The following KCNK9 variants were observed in gnomAD, a reference collection of about 807,000 sequenced individuals.
KCNK9 encodes the protein potassium two pore domain channel subfamily K member 9.
A neutral mutation model predicts 10.8 loss-of-function variants in KCNK9; 1 was observed. That is an observed-to-expected ratio of 0.09 (90% CI 0.03 to 0.44). The LOEUF is 0.44. Among genes scored for constraint, KCNK9 ranks in the 20% least tolerant of loss-of-function variants. KCNK9 has a pLI of 0.97. For missense variants in KCNK9, 303 were observed against 515.0 expected, an observed-to-expected ratio of 0.59 and a Z score of 3.98; for synonymous variants, 231 against 222.7, an observed-to-expected ratio of 1.04 and a Z score of -0.33.
At chr8:139,682,821 C>A (rs1816718915) in intron 1 of KCNK9, among the ~76,000 whole-genome samples, 1 of 152,162 alleles carries the variant, frequency 6.6e-6, no homozygotes, top group African/African-American at 2.4e-5. Flanking sequence ...TGCATAATGC[C>A]TGGTGACCCC....
chr8:139,667,374 T>C (rs536421615), intron 1 of KCNK9, among the ~76,000 whole-genome samples: 10 of 152,014 alleles, frequency 6.6e-5, no homozygotes, highest in African/African-American at 2.4e-4. Context: ...AGGAGAAAAT[T>C]GGACAAGTGT....
chr8:139,671,715 GT>G (rs1320975222), intron 1 of KCNK9, among the ~76,000 whole-genome samples: 1 of 151,932 alleles, frequency 6.6e-6, no homozygotes, highest in African/African-American at 2.4e-5. Context: ...GAATGTAATT[GT>G]TTTTTGTATT....
intron 1 of KCNK9, among the ~76,000 whole-genome samples, chr8:139,674,016 A>C (rs1816494060): frequency 6.6e-6 from 1 of 152,164 alleles, no homozygotes; most frequent in South Asian, 2.1e-4. Context: ...CCTGGCTCTA[A>C]CCCCCTGCAG....
chr8:139,602,149 T>C (rs927036538), intron 2 of KCNK9: 8 of 152,244 alleles, frequency 5.3e-5, no homozygotes, highest in Non-Finnish European at 1.2e-4. Context: ...TCACCTGTGA[T>C]TCATTGGCCA....
Position 139,677,916 on chromosome 8 carries a change from A to G in KCNK9, c.283+24794T>C, listed in dbSNP as rs1320381144. Among the ~76,000 whole-genome samples, 11 of 146,944 alleles carry G rather than the reference A, an allele frequency of 7.5e-5. 1 individual carries two copies. Among genetic ancestry groups the G allele is most frequent in the African/African-American group, 1.4e-4 (5 of 36,718 alleles). On this transcript the variant is annotated intron_variant, in intron 1 of 1. Transcript: ENST00000520439. ...ACATCTGAGCCCAATGTGTCCCCACAGCTACAGAGTAATACCTCACATCTC... is the reference window on the plus strand; with the variant it reads ...ACATCTGAGCCCAATGTGTCCCCACGGCTACAGAGTAATACCTCACATCTC...
At position 139,617,142 on chromosome 8, in the gene KCNK9, T is replaced by TCC. The variant is rs1814622368; in HGVS notation, c.*1115_*1116insGG. The TCC allele has an allele frequency of 6.6e-6, 1 of 152,208 alleles. No individual in the cohort carries two copies. The highest frequency in any genetic ancestry group is 2.4e-5 in the African/African-American group (1 of 41,462). 9.4% of individuals were successfully genotyped at this position (152,208 alleles called of 1,614,324 possible). ...GATATTTCTTGAAATAGATATGTAT[T>TCC]TTTAATGAGGAATGCCCTGTCAATT... On this transcript the variant is annotated 3_prime_UTR_variant, in exon 2 of 2. Transcript: ENST00000520439.
At chr8:139,627,128 ATCC>A (rs1372084934) in intron 1 of KCNK9, among the ~76,000 whole-genome samples, 1 of 152,144 alleles carries the variant, frequency 6.6e-6, no homozygotes, top group Non-Finnish European at 1.5e-5. Flanking sequence ...GACACCTTAG[ATCC>A]TCTAAGCGTT....
chr8:139,618,821 G>GGAA lies in KCNK9; in HGVS notation c.559_561dup (p.Phe187dup). 1 of 1,614,232 alleles carries GGAA rather than the reference G, an allele frequency of 6.2e-7. No homozygotes were observed. Among genetic ancestry groups the GGAA allele is most frequent in the Non-Finnish European group, 8.5e-7 (1 of 1,180,054 alleles). ...GTGATGAAGCAGTAGTAGTAGGCGT[G>GGAA]GAAGAAGCTCCACTCCTCACACTGG... On this transcript the variant is annotated inframe_insertion, in exon 2 of 2. Coordinates refer to ENST00000520439, the MANE Select transcript of KCNK9 (RefSeq NM_001282534.2). This position sits in a 1 kb window ranked among gnomAD's most constrained non-coding sequence, Gnocchi z 7.9.
intron 1 of KCNK9, among the ~76,000 whole-genome samples, chr8:139,657,860 T>C (rs1035721099): frequency 6.6e-6 from 1 of 152,134 alleles, no homozygotes; most frequent in Non-Finnish European, 1.5e-5. Flanking sequence ...ATCCCAGCGG[T>C]CCCCACCCAC....
chr8:139,610,524 A>G (rs1814389023), downstream of KCNK9, among the ~76,000 whole-genome samples: 1 of 152,374 alleles, frequency 6.6e-6, no homozygotes, highest in East Asian at 1.9e-4. Flanking sequence ...TAAGTGAAAG[A>G]CCAAGATCTT....
chr8:139,699,991 C>T (rs1290067888), intron 1 of KCNK9, among the ~76,000 whole-genome samples: 1 of 152,156 alleles, frequency 6.6e-6, no homozygotes, highest in Non-Finnish European at 1.5e-5. Flanking sequence ...AATATCACTG[C>T]CCAATAGGAG....
intron 1 of KCNK9, among the ~76,000 whole-genome samples, chr8:139,634,478 C>T (rs1815276703): frequency 6.6e-6 from 1 of 152,152 alleles, no homozygotes; most frequent in Non-Finnish European, 1.5e-5. Context: ...TGGTGCTGGC[C>T]CTGCAGGATG....
intron 1 of KCNK9, among the ~76,000 whole-genome samples, chr8:139,627,139 G>A (rs947203729): frequency 1.1e-4 from 17 of 152,162 alleles, no homozygotes; most frequent in African/African-American, 3.1e-4. Flanking sequence ...TCCTCTAAGC[G>A]TTAACCTTCC....
intron 1 of KCNK9, among the ~76,000 whole-genome samples, chr8:139,683,331 C>T (rs530226929): frequency 1.3e-5 from 2 of 152,280 alleles, no homozygotes; most frequent in East Asian, 3.9e-4. Context: ...CCTCCTTCTC[C>T]CTCCCTCCTC....
At chr8:139,633,990 T>A (rs1815256494) in intron 1 of KCNK9, among the ~76,000 whole-genome samples, 1 of 152,242 alleles carries the variant, frequency 6.6e-6, no homozygotes, top group Non-Finnish European at 1.5e-5. Flanking sequence ...TCTTCTGCTC[T>A]CCGCCCCAGG....
At chr8:139,620,363 T>C (rs1417272423) in intron 1 of KCNK9, among the ~76,000 whole-genome samples, 1 of 152,212 alleles carries the variant, frequency 6.6e-6, no homozygotes, top group Non-Finnish European at 1.5e-5. Flanking sequence ...TTACCTTGGG[T>C]TCCATAAGTT....
intron 1 of KCNK9, among the ~76,000 whole-genome samples, chr8:139,667,860 G>A (rs1055164392): frequency 7.3e-5 from 11 of 149,942 alleles, no homozygotes; most frequent in African/African-American, 2.5e-4. Context: ...CAGCCTGGGC[G>A]ACAGAGCAAG....
At chr8:139,658,513 C>G (rs1460613596) in intron 1 of KCNK9, among the ~76,000 whole-genome samples, 2 of 152,192 alleles carry the variant, frequency 1.3e-5, no homozygotes, top group Non-Finnish European at 2.9e-5. Context: ...CCACTGGTAC[C>G]CTTTTCCTTT....
At chr8:139,640,180 A>G (rs1815460414) in intron 1 of KCNK9, among the ~76,000 whole-genome samples, 1 of 152,160 alleles carries the variant, frequency 6.6e-6, no homozygotes, top group Non-Finnish European at 1.5e-5. Flanking sequence ...CCCAGGCACC[A>G]TGCTAAGCTC....
Sources: allele counts gnomAD v4.1 joint callset (sites outside exome capture counted in the v4.1 genomes callset), GRCh38; gene constraint gnomAD v4.1.1; non-coding constraint Gnocchi (gnomAD v3.1); transcripts MANE v1.5; gene names NCBI Gene and HGNC (gene_info 2026-07-23, HGNC 2026-07-21).